The following MYLK variants were observed in gnomAD, a reference collection of about 807,000 sequenced individuals.
The protein encoded by MYLK is myosin light chain kinase, smooth muscle.
Under a neutral mutation model 203.4 loss-of-function variants are expected in MYLK, and 106 were observed. That is an observed-to-expected ratio of 0.52 (90% CI 0.45 to 0.61). The LOEUF is 0.61. MYLK is among the 20% of genes least tolerant of loss of function. The pLI, the probability that MYLK is intolerant of heterozygous loss-of-function variation, is 0.00. For missense variants in MYLK, 2,072 were observed against 2,442.3 expected (o/e 0.85, Z 3.20); for synonymous variants, 867 against 959.5 (o/e 0.90, Z 1.78).
chr3:123,785,529 T>A (rs918870194), intron 4 of MYLK, among the ~76,000 whole-genome samples: 3 of 152,242 alleles, frequency 2.0e-5, no homozygotes, highest in East Asian at 3.8e-4. Flanking sequence ...GATTCTCTCA[T>A]CAACAGATCA....
intron 13 of MYLK, among the ~76,000 whole-genome samples, chr3:123,721,699 C>T (rs1217875193): frequency 3.3e-5 from 5 of 151,684 alleles, no homozygotes; most frequent in Non-Finnish European, 5.9e-5. Flanking sequence ...TCAGGGAATA[C>T]GTGAGTGCTC....
intron 2 of MYLK, among the ~76,000 whole-genome samples, chr3:123,835,234 T>A (rs1027512587): frequency 6.6e-6 from 1 of 152,204 alleles, no homozygotes; most frequent in Non-Finnish European, 1.5e-5. Context: ...GAAACCTGCG[T>A]ATTGACAAGT....
At chr3:123,644,942 A>G (rs1025034107) in intron 27 of MYLK, among the ~76,000 whole-genome samples, 1 of 152,252 alleles carries the variant, frequency 6.6e-6, no homozygotes, top group East Asian at 1.9e-4. Flanking sequence ...CTTCGTGCTG[A>G]TAGGATTTGA....
chr3:123,819,787 CTTTTTTT>C (rs5852369), intron 3 of MYLK, among the ~76,000 whole-genome samples: 8 of 74,532 alleles, frequency 1.1e-4, no homozygotes, highest in Admixed American at 1.1e-3. Context: ...TCTAAGCCTC[CTTTTTTT>C]TTTTTTTTTT....
intron 2 of MYLK, among the ~76,000 whole-genome samples, chr3:123,873,697 T>G (rs2032953966): frequency 6.6e-6 from 1 of 152,136 alleles, no homozygotes. Flanking sequence ...TGATTCTATA[T>G]CCCAGCCTTT....
chr3:123,830,312 T>C (rs1162017167), intron 3 of MYLK, among the ~76,000 whole-genome samples: 2 of 151,318 alleles, frequency 1.3e-5, no homozygotes, highest in Admixed American at 1.3e-4. Flanking sequence ...ACATATGCTG[T>C]GTTTTCTTTC....
At position 123,742,825 on chromosome 3, in the gene MYLK, G is replaced by A. The variant is rs144787477; in HGVS notation, c.374-2824C>T. 8.7e-4 allele frequency among the ~76,000 whole-genome samples: 133 copies of A among 152,318 alleles called. 1 individual carries two copies. The highest frequency in any genetic ancestry group is 3.0e-3 in the African/African-American group (124 of 41,560). ...GAAGTACTAACACGTGGTACAACAT[G>A]GATGGACATTGAAAAAGTGCATTAA... On this transcript the variant is annotated intron_variant, in intron 5 of 33. Coordinates refer to ENST00000360304, the MANE Select transcript of MYLK (RefSeq NM_053025.4).
Position 123,629,408 on chromosome 3 carries a change from T to TC in MYLK, c.5114+65dup, listed in dbSNP as rs1219210622. 1 of 1,589,958 alleles carries TC rather than the reference T, an allele frequency of 6.3e-7. No individual in the cohort carries two copies. The highest frequency in any genetic ancestry group is 8.6e-7 in the Non-Finnish European group (1 of 1,160,218). ...GAGGGCACCCCAACAGGCAAAGGAA[T>TC]CCCCCTTTGCTTCCCAACACAGGGC... On this transcript the variant is annotated intron_variant, in intron 30 of 33. Transcript: ENST00000360304. This position sits in a 1 kb window ranked among gnomAD's most constrained non-coding sequence, Gnocchi z 4.4.
At position 123,741,058 on chromosome 3, in the gene MYLK, C is replaced by T. The variant is rs767420177; in HGVS notation, c.374-1057G>A. 3.9e-5 allele frequency among the ~76,000 whole-genome samples: 6 copies of T among 152,094 alleles called. No homozygotes were observed. In the East Asian group the frequency reaches 5.8e-4, roughly 15 times the overall value. ...ACCCTGAAAGTTGTTCTTCTTTTGC[C>T]GCAAGCTGGGGATGTTTATAAAACC... On this transcript the variant is annotated intron_variant, in intron 5 of 33. Transcript: ENST00000360304.
At chr3:123,733,594 T>G in intron 10 of MYLK, 93 bp downstream of exon 10, 1 of 1,469,136 alleles carries the variant, frequency 6.8e-7, no homozygotes. Context: ...TGAGTGGATA[T>G]AGGTGATGCA....
At chr3:123,683,564 T>A (rs1241129397) in intron 19 of MYLK, among the ~76,000 whole-genome samples, 1 of 152,160 alleles carries the variant, frequency 6.6e-6, no homozygotes, top group Non-Finnish European at 1.5e-5. Flanking sequence ...AGAACATGGA[T>A]CTGCCTGCAT....
chr3:123,774,988 C>T (rs767990155), intron 4 of MYLK, among the ~76,000 whole-genome samples: 5 of 151,984 alleles, frequency 3.3e-5, no homozygotes, highest in Non-Finnish European at 7.4e-5. Context: ...TGAGTGCCTA[C>T]TCTAATAGGG....
intron 29 of MYLK, among the ~76,000 whole-genome samples, chr3:123,634,398 C>T (rs554571726): frequency 3.9e-4 from 60 of 152,284 alleles, no homozygotes; most frequent in African/African-American, 1.3e-3. Context: ...AGGAGGCCCC[C>T]GATGCCCCGG....
In MYLK at chr3:123,620,195, ACTC is replaced by A. The variant is rs753392124; in HGVS notation, c.5368+9_5368+11del. ...TCTTTCTCACCAGCTGGCTGGAGAA[ACTC>A]CTCCTTACCTTCAGATTCTAGTTTT... On this transcript the variant is annotated intron_variant, in intron 32 of 33. Coordinates refer to ENST00000360304, the MANE Select transcript of MYLK (RefSeq NM_053025.4). 47 of 1,609,442 alleles carry A rather than the reference ACTC, an allele frequency of 2.9e-5. No homozygotes were observed. The African/African-American group carries it at 3.1e-4, about 11-fold the overall frequency.
chr3:123,824,517 A>C (rs1413994247), intron 3 of MYLK, among the ~76,000 whole-genome samples: 1 of 152,226 alleles, frequency 6.6e-6, no homozygotes, highest in Non-Finnish European at 1.5e-5. Context: ...AATGAAAGTC[A>C]TGCCTGGTAG....
In MYLK at chr3:123,634,169, T is replaced by C. The variant is rs145175297; in HGVS notation, c.4961+3902A>G. Among the ~76,000 whole-genome samples the C allele has an allele frequency of 4.9e-3, 751 of 152,282 alleles. 7 individuals are homozygous for C. Among genetic ancestry groups the C allele is most frequent in the African/African-American group, 0.017 (725 of 41,560 alleles). On this transcript the variant is annotated intron_variant, in intron 29 of 33. Coordinates refer to ENST00000360304, the MANE Select transcript of MYLK (RefSeq NM_053025.4). Reference sequence around the variant, plus strand: ...GTAGGTCCACAGGAAGAGCTGTGCATCATTTTGTGGACTGGCCGAGGAAGC... The same window carrying C: ...GTAGGTCCACAGGAAGAGCTGTGCACCATTTTGTGGACTGGCCGAGGAAGC...
chr3:123,866,295 C>T (rs2032321104), intron 2 of MYLK, among the ~76,000 whole-genome samples: 1 of 152,158 alleles, frequency 6.6e-6, no homozygotes, highest in African/African-American at 2.4e-5. Context: ...GGCTAGGGGG[C>T]TGGAGCCAGG....
chr3:123,649,415 A>G (rs2059133485), intron 24 of MYLK, among the ~76,000 whole-genome samples: 1 of 152,102 alleles, frequency 6.6e-6, no homozygotes, highest in Non-Finnish European at 1.5e-5. Context: ...ACTCAGCTCC[A>G]CTTCTCCACC....
intron 13 of MYLK, 72 bp downstream of exon 13, chr3:123,722,056 A>C: frequency 6.5e-7 from 1 of 1,540,088 alleles, no homozygotes; most frequent in Non-Finnish European, 8.8e-7. Context: ...ATTTTCTACA[A>C]ATGTGCCCTT....
Sources: gnomAD v4.1 joint callset for allele counts (sites outside exome capture counted in the v4.1 genomes callset) on GRCh38, gnomAD v4.1.1 for gene constraint, Gnocchi (gnomAD v3.1) non-coding constraint, MANE v1.5 for transcripts, NCBI Gene and HGNC (gene_info 2026-07-23, HGNC 2026-07-21) for gene names.